Variants in PHLDB2 observed in about 807,000 individuals in gnomAD.
The protein encoded by PHLDB2 is pleckstrin homology like domain family B member 2, also known as pleckstrin homology-like domain family B member 2.
In PHLDB2, 71 loss-of-function variants were observed where a neutral mutation model predicts 123.6. The ratio of observed to expected loss-of-function variants is 0.57; its 90% CI spans 0.47 to 0.70. PHLDB2 has a LOEUF of 0.70. PHLDB2 is among the 30% of genes least tolerant of loss of function. The pLI is 0.00. For synonymous variants in PHLDB2, 547 were observed against 541.6 expected (o/e 1.01, Z -0.14); for missense variants, 1,446 against 1,519.5 (o/e 0.95, Z 0.80).
At chr3:111,904,842 G>A (rs774188259) in intron 2 of PHLDB2, among the ~76,000 whole-genome samples, 1 of 152,178 alleles carries the variant, frequency 6.6e-6, no homozygotes, top group Non-Finnish European at 1.5e-5. Context: ...ACTCTCCTCA[G>A]ATAACTGAGC....
rs191463096 is a variant in PHLDB2, at chr3:111,946,302, G to A, written c.2487+945G>A. On this transcript the variant is annotated intron_variant, in intron 9 of 17. Coordinates refer to ENST00000431670, the MANE Select transcript of PHLDB2 (RefSeq NM_001134438.2). Reference sequence around the variant, plus strand: ...CTCCCAAAGTGCTGGGATTACAGGCGTGAGCCACTGTGCCCAGCCTATATT... The same window carrying A: ...CTCCCAAAGTGCTGGGATTACAGGCATGAGCCACTGTGCCCAGCCTATATT... Among the ~76,000 whole-genome samples the A allele has an allele frequency of 4.0e-4, 61 of 152,248 alleles. No homozygotes were observed. In the East Asian group the frequency reaches 0.011, roughly 27 times the overall value.
chr3:111,767,387 T>C (rs1212183337), intron 1 of PHLDB2, among the ~76,000 whole-genome samples: 1 of 152,222 alleles, frequency 6.6e-6, no homozygotes, highest in Non-Finnish European at 1.5e-5. Flanking sequence ...CCACATTTCA[T>C]TAAGTATGCT....
intron 1 of PHLDB2, among the ~76,000 whole-genome samples, chr3:111,735,186 C>T (rs1295284276): frequency 6.6e-6 from 1 of 152,114 alleles, no homozygotes; most frequent in Non-Finnish European, 1.5e-5. Flanking sequence ...CAGCAAATAC[C>T]CACTCATTTA....
At chr3:111,840,987 AGAG>A (rs2063667316) in intron 1 of PHLDB2, among the ~76,000 whole-genome samples, 1 of 152,246 alleles carries the variant, frequency 6.6e-6, no homozygotes, top group Admixed American at 6.5e-5. Flanking sequence ...ACCAGGCCAC[AGAG>A]GAGTTTAGGC....
intron 1 of PHLDB2, among the ~76,000 whole-genome samples, chr3:111,734,295 C>T (rs2107898746): frequency 6.6e-6 from 1 of 152,258 alleles, no homozygotes; most frequent in South Asian, 2.1e-4. Context: ...AATGCATTGG[C>T]TAGGTCGGGC....
chr3:111,840,778 A>G (rs2108549409), intron 1 of PHLDB2, among the ~76,000 whole-genome samples: 1 of 152,346 alleles, frequency 6.6e-6, no homozygotes, highest in African/African-American at 2.4e-5. Flanking sequence ...GAATAAAATG[A>G]CAAGATGTCT....
intron 1 of PHLDB2, among the ~76,000 whole-genome samples, chr3:111,778,797 A>C (rs1323811750): frequency 1.3e-5 from 2 of 152,082 alleles, no homozygotes; most frequent in Non-Finnish European, 2.9e-5. Flanking sequence ...TAAAAAAAAC[A>C]TGGCAAGTGT....
intron 6 of PHLDB2, among the ~76,000 whole-genome samples, chr3:111,936,025 C>A (rs1286005151): frequency 6.6e-6 from 1 of 152,126 alleles, no homozygotes; most frequent in African/African-American, 2.4e-5. Context: ...TTAACAAAAC[C>A]CTGAGCCCCA....
rs1046252965 is a variant in PHLDB2 at position 111,859,450 on chromosome 3, G to A, written c.-141G>A. On this transcript the variant is annotated 5_prime_UTR_variant, in exon 1 of 18. Coordinates refer to ENST00000431670, the MANE Select transcript of PHLDB2 (RefSeq NM_001134438.2). Reference sequence around the variant, plus strand: ...GTTACAAAGGGGGTCAAGAGTGCCGGACCCAGCCGCGCGGAGCCCACCATT... The same window carrying A: ...GTTACAAAGGGGGTCAAGAGTGCCGAACCCAGCCGCGCGGAGCCCACCATT... The A allele has an allele frequency of 1.2e-5, 12 of 985,420 alleles. No individual in the cohort carries two copies. The highest frequency in any genetic ancestry group is 5.2e-4 in the Middle Eastern group (1 of 1,936). 61.0% of individuals were successfully genotyped at this position (985,420 alleles called of 1,614,324 possible). A position where few individuals can be genotyped will look rare whatever the true frequency, so the allele number is the denominator to read the frequency against.
At chr3:111,958,679 G>A (rs11713044) in intron 12 of PHLDB2, 306,582 of 454,952 alleles carry the variant, frequency 0.67, 107,565 homozygotes, top group East Asian at 0.91. Flanking sequence ...CCTTCAAACA[G>A]CTATTTCTCT....
chr3:111,895,821 C>T (rs1173975848), intron 2 of PHLDB2, among the ~76,000 whole-genome samples: 6 of 151,064 alleles, frequency 4.0e-5, no homozygotes, highest in Non-Finnish European at 8.8e-5. Context: ...TGCAGTCTGG[C>T]GTGGGCAAAA....
At chr3:111,773,309 G>T (rs758116315) in intron 1 of PHLDB2, among the ~76,000 whole-genome samples, 5 of 152,104 alleles carry the variant, frequency 3.3e-5, no homozygotes, top group Admixed American at 1.3e-4. Flanking sequence ...CATTTCCCAG[G>T]TGCCTTCAAT....
intron 5 of PHLDB2, among the ~76,000 whole-genome samples, chr3:111,928,212 G>C (rs928530905): frequency 1.3e-5 from 2 of 152,138 alleles, no homozygotes; most frequent in Non-Finnish European, 2.9e-5. Flanking sequence ...ATTTACAATT[G>C]GGATATTATT....
intron 2 of PHLDB2, among the ~76,000 whole-genome samples, chr3:111,848,037 C>A (rs552266172): frequency 6.6e-6 from 1 of 152,036 alleles, no homozygotes; most frequent in African/African-American, 2.4e-5. Flanking sequence ...GGACATGTTA[C>A]GTCTGCTGTG....
At chr3:111,885,797 GAGA>G in intron 2 of PHLDB2, 1 of 576,766 alleles carries the variant, frequency 1.7e-6, no homozygotes. Flanking sequence ...GTATGGTTAT[GAGA>G]AGTAGTCAGT....
At chr3:111,756,400 A>G (rs1219182146) in intron 1 of PHLDB2, among the ~76,000 whole-genome samples, 1 of 152,206 alleles carries the variant, frequency 6.6e-6, no homozygotes, top group Non-Finnish European at 1.5e-5. Context: ...TCCCTTTACC[A>G]TTATGTAATG....
chr3:111,816,724 G>A (rs1279510907), intron 1 of PHLDB2, among the ~76,000 whole-genome samples: 1 of 152,176 alleles, frequency 6.6e-6, no homozygotes, highest in Admixed American at 6.5e-5. Flanking sequence ...AAGACTTTGG[G>A]GGACTGTTGG....
At chr3:111,772,834 C>T (rs2060201576) in intron 1 of PHLDB2, among the ~76,000 whole-genome samples, 1 of 151,912 alleles carries the variant, frequency 6.6e-6, no homozygotes, top group Non-Finnish European at 1.5e-5. Flanking sequence ...CCCATCCCTG[C>T]ACACTTTTTT....
At chr3:111,775,032 A>T (rs1483089977) in intron 1 of PHLDB2, among the ~76,000 whole-genome samples, 6 of 152,232 alleles carry the variant, frequency 3.9e-5, no homozygotes, top group Non-Finnish European at 5.9e-5. Flanking sequence ...TATAAAGAAA[A>T]TATGAGAGTC....
Sources: gnomAD v4.1 joint callset for allele counts (sites outside exome capture counted in the v4.1 genomes callset) on GRCh38, gnomAD v4.1.1 for gene constraint, MANE v1.5 for transcripts, NCBI Gene and HGNC (gene_info 2026-07-23, HGNC 2026-07-21) for gene names.